DENND6B: variants seen among roughly 807,000 people sequenced by gnomAD.
DENND6B encodes the protein DENN domain containing 6B.
DENND6B carries 73 observed loss-of-function variants against 85.1 expected under a neutral mutation model. That is an observed-to-expected ratio of 0.86 (90% confidence interval 0.71 to 1.04). The LOEUF (loss-of-function observed/expected upper bound fraction) is 1.04, where lower values mean the gene tolerates loss of function less well. Among genes scored for constraint, DENND6B ranks in the 50% least tolerant of loss-of-function variants. The probability of loss-of-function intolerance (pLI) is 0.00; values close to 1 mark genes in which losing one functional copy is unlikely to be tolerated. For missense variants in DENND6B, 715 were observed against 785.8 expected, an observed-to-expected ratio of 0.91 and a Z score of 1.08; for synonymous variants, 357 against 329.3, an observed-to-expected ratio of 1.08 and a Z score of -0.91.
Position 50,316,456 on chromosome 22 carries a change from C to G in DENND6B, c.473G>C (p.Arg158Pro). 2 of 1,583,230 alleles carry G rather than the reference C, an allele frequency of 1.3e-6. No homozygotes were observed. The highest frequency in any genetic ancestry group is 2.3e-5 in the East Asian group (1 of 42,904). Reference sequence around the variant, plus strand: ...TTGGAACAGCCGGACAAAGGGCAAGCGGGACACCAGCACCAAAGACTGCAG... The same window carrying G: ...TTGGAACAGCCGGACAAAGGGCAAGGGGGACACCAGCACCAAAGACTGCAG... ...YFQKSLVLVSRLPFVRLFQAL... is the reference protein window; with the variant it reads ...YFQKSLVLVSPLPFVRLFQAL... Residue 158 changes from arginine to proline, a missense_variant, in exon 6 of 20, where the codon CGC (arginine) becomes CCC (proline). Transcript: ENST00000413817.
rs1196859322 is a variant in DENND6B, at chr22:50,313,079, C to T, written c.1377G>A (p.Gln459=). Residue 459 remains glutamine, a synonymous_variant, in exon 17 of 20, where the codon CAG becomes CAA. Coordinates refer to ENST00000413817, the MANE Select transcript of DENND6B (RefSeq NM_001001794.4). ...KTPPQIQPFS[Q]DDFLRSLEHA... is the part of the protein sequence containing the mutation. Reference sequence around the variant, plus strand: ...GCTCCAGGCTACGCAGGAAGTCATCCTGGCTGAAGGGCTGGATCTGGGGGG... The same window carrying T: ...GCTCCAGGCTACGCAGGAAGTCATCTTGGCTGAAGGGCTGGATCTGGGGGG... The T allele has an allele frequency of 6.4e-7, 1 of 1,558,410 alleles. No homozygotes were observed. Among genetic ancestry groups the T allele is most frequent in the Middle Eastern group, 1.7e-4 (1 of 5,982 alleles).
chr22:50,315,956 CG>C lies in DENND6B; in HGVS notation c.702+68del, dbSNP rs1257882114. The C allele has an allele frequency of 5.6e-6, 9 of 1,607,678 alleles. No individual in the cohort carries two copies. In the East Asian group the frequency reaches 2.0e-4, roughly 36 times the overall value. ...CCAAGGAAGCAGGTGTGGGACCACC[CG>C]GCCCAGGAGCAGGACTCAATCGGGT... is the stretch of plus-strand genomic sequence containing the variant. On this transcript the variant is annotated intron_variant, in intron 8 of 19. Transcript: ENST00000413817.
In DENND6B at chr22:50,326,851, G is replaced by A. The variant is rs1569212705; in HGVS notation, c.138C>T (p.Cys46=). 1.9e-5 allele frequency: 27 copies of A among 1,441,644 alleles called. No homozygotes were observed. Among genetic ancestry groups the A allele is most frequent in the East Asian group, 3.1e-5 (1 of 32,184 alleles). 89.3% of individuals were successfully genotyped at this position (1,441,644 alleles called of 1,614,324 possible). ...ARFSAWLECV[C]VVTFDLELGQ... ...CCAGCTCCAGGTCGAAGGTGACCAC[G>A]CACACACACTCCAGCCAGGCGGAGA... Residue 46 remains cysteine (C), a synonymous_variant, in exon 1 of 20, where the codon TGC becomes TGT. Transcript: ENST00000413817.
At chr22:50,316,593 C>T (rs542461315) in intron 5 of DENND6B, 118 bp from the exon 6 acceptor site, 19 of 1,541,380 alleles carry the variant, frequency 1.2e-5, no homozygotes, top group Non-Finnish European at 1.6e-5. Context: ...TAGCACGTCC[C>T]ACCAACTTCA....
intron 9 of DENND6B, 54 bp downstream of exon 9, chr22:50,315,660 G>A (rs775457789): frequency 8.3e-5 from 128 of 1,534,732 alleles, no homozygotes; most frequent in Non-Finnish European, 1.0e-4. Flanking sequence ...GTACATGCAC[G>A]TGCACACACA....
chr22:50,315,034 G>T, intron 9 of DENND6B, 113 bp from the exon 10 acceptor site: 2 of 1,438,944 alleles, frequency 1.4e-6, no homozygotes, highest in Non-Finnish European at 1.9e-6. Context: ...AACACAGCAC[G>T]CTGCTCCAGG....
intron 8 of DENND6B, 55 bp downstream of exon 8, chr22:50,315,970 G>C: frequency 6.2e-7 from 1 of 1,611,072 alleles, no homozygotes; most frequent in Non-Finnish European, 8.5e-7. Context: ...CCAGGAGCAG[G>C]ACTCAATCGG....
At chr22:50,315,655 T>C in intron 9 of DENND6B, 59 bp downstream of exon 9, 3 of 1,526,874 alleles carry the variant, frequency 2.0e-6, no homozygotes, top group East Asian at 2.4e-5. Flanking sequence ...TGCACGTACA[T>C]GCACGTGCAC....
In DENND6B at chr22:50,314,625, G is replaced by GAACT; in HGVS notation, c.953_956dup (p.Phe319LeufsTer45). 6.4e-7 allele frequency: 1 copy of GAACT among 1,564,930 alleles called. No individual in the cohort carries two copies. The highest frequency in any genetic ancestry group is 2.4e-5 in the East Asian group (1 of 41,932). Reference sequence around the variant, plus strand: ...CTTACGGGGCCTGCGTGCGTGTGGTGAACTCCTTGAACTCGCTGTCATGGA... The same window carrying GAACT: ...CTTACGGGGCCTGCGTGCGTGTGGTGAACTAACTCCTTGAACTCGCTGTCATGGA... On this transcript the variant is annotated frameshift_variant, in exon 11 of 20. Transcript: ENST00000413817. LOFTEE classifies it high-confidence loss of function.
At chr22:50,324,024 C>T (rs1432972819) in intron 1 of DENND6B, among the ~76,000 whole-genome samples, 2 of 152,138 alleles carry the variant, frequency 1.3e-5, no homozygotes, top group Non-Finnish European at 2.9e-5. Flanking sequence ...AGGACCACTG[C>T]GCCCAGCCCA....
At chr22:50,314,038 C>T (rs546918694) in intron 13 of DENND6B, 160 bp from the exon 14 acceptor site, 2 of 1,260,602 alleles carry the variant, frequency 1.6e-6, no homozygotes, top group African/African-American at 1.5e-5. Context: ...GACACCGAGA[C>T]CCACTGAAGA....
intron 1 of DENND6B, among the ~76,000 whole-genome samples, chr22:50,321,412 G>A (rs1489423339): frequency 6.6e-6 from 1 of 152,146 alleles, no homozygotes. Context: ...CCAGGCTGGA[G>A]TGCACTGACG....
chr22:50,313,676 G>T lies in DENND6B; in HGVS notation c.1252C>A (p.Arg418=). Residue 418 remains arginine, a synonymous_variant, in exon 15 of 20, where the codon CGG becomes AGG. Transcript: ENST00000413817. ...CTCTGGGTGAGCTCCAGGAGGTGCC[G>T]CCGCAGCAGGGCGCTCTGCACATCT... is the stretch of plus-strand genomic sequence containing the variant. The part of the protein sequence containing the change: ...PSDVQSALLR[R]HLLELTQSFI... The T allele has an allele frequency of 1.3e-6, 2 of 1,598,500 alleles. No homozygotes were observed. The highest frequency in any genetic ancestry group is 1.7e-5 in the Admixed American group (1 of 57,988).
At chr22:50,326,739 C>G in intron 1 of DENND6B, 73 bp downstream of exon 1, 1 of 1,259,082 alleles carries the variant, frequency 7.9e-7, no homozygotes, top group South Asian at 2.3e-5. Context: ...CCGAGGGCCC[C>G]AAGCGAGGCG....
chr22:50,326,743 C>A (rs1601843930), intron 1 of DENND6B, 69 bp downstream of exon 1: 1 of 1,266,296 alleles, frequency 7.9e-7, no homozygotes, highest in South Asian at 2.2e-5. Flanking sequence ...GGGCCCCAAG[C>A]GAGGCGGGAC....
intron 1 of DENND6B, among the ~76,000 whole-genome samples, chr22:50,325,625 G>A (rs539625930): frequency 1.3e-5 from 2 of 152,212 alleles, no homozygotes; most frequent in East Asian, 1.9e-4. Context: ...ATGAGTCACC[G>A]CGTCCGGCCA....
At chr22:50,315,269 G>A (rs1236956790) in intron 9 of DENND6B, among the ~76,000 whole-genome samples, 1 of 152,258 alleles carries the variant, frequency 6.6e-6, no homozygotes, top group South Asian at 2.1e-4. Flanking sequence ...CCCATCCCAA[G>A]TGCAGCCCTG....
chr22:50,320,179 GC>G (rs1232100867), intron 1 of DENND6B, among the ~76,000 whole-genome samples: 1 of 152,208 alleles, frequency 6.6e-6, no homozygotes, highest in African/African-American at 2.4e-5. Context: ...TGTGCCCTGA[GC>G]CCCCAGACAG....
At chr22:50,318,608 A>G (rs1321658388) in intron 3 of DENND6B, among the ~76,000 whole-genome samples, 1 of 152,038 alleles carries the variant, frequency 6.6e-6, no homozygotes, top group African/African-American at 2.4e-5. Context: ...GGTGTAGGAG[A>G]CTGACTGTTG....
Sources: allele counts gnomAD v4.1 joint callset (sites outside exome capture counted in the v4.1 genomes callset), GRCh38; gene constraint gnomAD v4.1.1; transcripts MANE v1.5; gene names NCBI Gene and HGNC (gene_info 2026-07-23, HGNC 2026-07-21).